The following RMST variants were observed in gnomAD, a reference collection of about 807,000 sequenced individuals.
RMST encodes long intergenic non-protein coding RNA 54.
chr12:97,550,683 C>T (rs931332045), intron 11 of RMST, among the ~76,000 whole-genome samples: 1 of 152,040 alleles, frequency 6.6e-6, no homozygotes, highest in Non-Finnish European at 1.5e-5. Flanking sequence ...CTTTATTATT[C>T]TTAGTGCAAT....
At chr12:97,505,221 T>C (rs542536397) in intron 10 of RMST, among the ~76,000 whole-genome samples, 3 of 152,358 alleles carry the variant, frequency 2.0e-5, no homozygotes, top group African/African-American at 7.2e-5. Context: ...AATATATTAA[T>C]AGTTAACTCA....
chr12:97,483,735 A>G (rs1565919606), intron 5 of RMST, among the ~76,000 whole-genome samples: 1 of 152,170 alleles, frequency 6.6e-6, no homozygotes, highest in Non-Finnish European at 1.5e-5. Flanking sequence ...TCCCTCCCCA[A>G]TTCTACTTCT....
chr12:97,472,448 T>A (rs1436054006), intron 5 of RMST, among the ~76,000 whole-genome samples: 1 of 152,102 alleles, frequency 6.6e-6, no homozygotes, highest in East Asian at 1.9e-4. Flanking sequence ...TTAAGCCTGA[T>A]GTTTTTAAAG....
At chr12:97,536,376 ACTT>A in intron 11 of RMST, among the ~76,000 whole-genome samples, 1 of 151,664 alleles carries the variant, frequency 6.6e-6, no homozygotes, top group Middle Eastern at 3.4e-3. Flanking sequence ...CAAAAAGTAA[ACTT>A]CTGCAAAATT....
exon 3 of RMST, chr12:97,462,852 G>A (rs1458191219): frequency 6.6e-6 from 1 of 152,274 alleles, no homozygotes; most frequent in Non-Finnish European, 1.5e-5. Context: ...GAGAAGGTCT[G>A]CCGCTGTCTG....
chr12:97,507,716 G>C (rs1022019083), intron 10 of RMST, among the ~76,000 whole-genome samples: 3 of 152,226 alleles, frequency 2.0e-5, no homozygotes, highest in Non-Finnish European at 4.4e-5. Flanking sequence ...AAAATGTTGT[G>C]AGTGTTTCAT....
intron 9 of RMST, among the ~76,000 whole-genome samples, chr12:97,495,672 T>C (rs984333770): frequency 2.0e-5 from 3 of 152,168 alleles, no homozygotes; most frequent in Non-Finnish European, 4.4e-5. Flanking sequence ...GTATAGCTTA[T>C]GATTTTCCTA....
chr12:97,531,597 A>G (rs956651529), intron 11 of RMST, among the ~76,000 whole-genome samples: 2 of 152,028 alleles, frequency 1.3e-5, no homozygotes, highest in Non-Finnish European at 2.9e-5. Context: ...GTGGCTGTGC[A>G]CTTAATCTAA....
Position 97,539,952 on chromosome 12 carries a change from A to G in RMST, n.1545+9093A>G, listed in dbSNP as rs1882373516. 2.6e-5 allele frequency among the ~76,000 whole-genome samples: 4 copies of G among 151,692 alleles called. 2 individuals carry two copies. The South Asian group carries it at 8.3e-4, about 31-fold the overall frequency. ...ATCTTGTCTTTGAACTCTAATTGGCATGTGAGGGAGGCAGGTCTGACTGAG... is the reference window on the plus strand; with the variant it reads ...ATCTTGTCTTTGAACTCTAATTGGCGTGTGAGGGAGGCAGGTCTGACTGAG... On this transcript the variant is annotated intron_variant and non_coding_transcript_variant, in intron 11 of 13. Transcript: ENST00000640149.
intron 7 of RMST, chr12:97,493,777 C>T (rs1316598074): frequency 3.3e-5 from 5 of 152,178 alleles, no homozygotes; most frequent in South Asian, 2.1e-4. Flanking sequence ...AATTTTTAGA[C>T]ACAAACTTGT....
chr12:97,543,036 G>A (rs1468180709), intron 11 of RMST, among the ~76,000 whole-genome samples: 2 of 151,954 alleles, frequency 1.3e-5, no homozygotes, highest in East Asian at 3.9e-4. Flanking sequence ...TATCCTCGTG[G>A]TGCATTCAAG....
chr12:97,487,745 T>C (rs943265305), intron 5 of RMST, among the ~76,000 whole-genome samples: 38 of 152,146 alleles, frequency 2.5e-4, no homozygotes, highest in African/African-American at 8.9e-4. Flanking sequence ...TAGGGAAGCC[T>C]CATCCTCTCC....
chr12:97,488,517 G>A (rs1055597424), intron 5 of RMST, among the ~76,000 whole-genome samples: 1 of 152,140 alleles, frequency 6.6e-6, no homozygotes, highest in Non-Finnish European at 1.5e-5. Flanking sequence ...TCTGGTCTCT[G>A]AGGTACTGGG....
At chr12:97,477,656 A>G (rs1227601682) in intron 5 of RMST, among the ~76,000 whole-genome samples, 1 of 152,234 alleles carries the variant, frequency 6.6e-6, no homozygotes, top group Non-Finnish European at 1.5e-5. Flanking sequence ...CTGAGTAAGA[A>G]TACGCAGGAT....
At chr12:97,499,624 CTTTTTTTTTCTTTTTCTTTTTCT>C (rs1565924305) in intron 10 of RMST, among the ~76,000 whole-genome samples, 39 of 146,732 alleles carry the variant, frequency 2.7e-4, no homozygotes, top group African/African-American at 9.6e-4. Flanking sequence ...TCTTCTTTTT[CTTTTTTTTTCTTTTTCTTTTTCT>C]TTTTTCTTTC....
chr12:97,553,949 CT>C (rs756008010), intron 11 of RMST, among the ~76,000 whole-genome samples: 13,828 of 120,224 alleles, frequency 0.12, 1,055 homozygotes, highest in African/African-American at 0.29. Flanking sequence ...TTTTCTTTCT[CT>C]TTTTTTTTTT....
At chr12:97,529,539 T>C (rs1403645486) in intron 10 of RMST, among the ~76,000 whole-genome samples, 1 of 152,058 alleles carries the variant, frequency 6.6e-6, no homozygotes, top group Non-Finnish European at 1.5e-5. Flanking sequence ...TATTGATAAA[T>C]ATAACTTTAT....
At chr12:97,541,033 T>C (rs1882475958) in intron 11 of RMST, among the ~76,000 whole-genome samples, 1 of 151,590 alleles carries the variant, frequency 6.6e-6, no homozygotes, top group African/African-American at 2.4e-5. Context: ...TATATATGTG[T>C]GTTTTGTACA....
chr12:97,541,720 T>TAAAAAA (rs139035988), intron 11 of RMST, among the ~76,000 whole-genome samples: 1 of 137,268 alleles, frequency 7.3e-6, no homozygotes, highest in South Asian at 2.3e-4. Context: ...GAGGCAGATT[T>TAAAAAA]AAAAAAAAAG....
Sources: gnomAD v4.1 joint callset for allele counts (sites outside exome capture counted in the v4.1 genomes callset) on GRCh38, gnomAD v4.1.1 for gene constraint, MANE v1.5 for transcripts, NCBI Gene and HGNC (gene_info 2026-07-23, HGNC 2026-07-21) for gene names.